The following HEATR5B variants were observed in gnomAD, a reference collection of about 807,000 sequenced individuals.
HEATR5B encodes the protein HEAT repeat containing 5B, also known as HEAT repeat-containing protein 5B.
A neutral mutation model predicts 224.1 loss-of-function variants in HEATR5B; 156 were observed. That is an observed-to-expected ratio of 0.70 (90% CI 0.61 to 0.80). The LOEUF is 0.80. Among genes scored for constraint, HEATR5B ranks in the 30% least tolerant of loss-of-function variants. The pLI, the probability that HEATR5B is intolerant of heterozygous loss-of-function variation, is 0.00. For missense variants in HEATR5B, 2,323 were observed against 2,535.5 expected, an observed-to-expected ratio of 0.92 and a Z score of 1.80; for synonymous variants, 1,027 against 893.0, an observed-to-expected ratio of 1.15 and a Z score of -2.68.
rs538593535 is a variant in HEATR5B at position 36,990,705 on chromosome 2, T to C, written c.5640A>G (p.Ser1880=). The part of the protein sequence containing the change: ...SASNEIIGVQ[S]LQNGCMNRFK... ...ATCTGTTCATGCAGCCATTCTGTAA[T>C]GACTGGACTCCTATTATTTCATTAC... Residue 1880 remains serine (S), a synonymous_variant, in exon 34 of 36, where the codon TCA becomes TCG. Coordinates refer to ENST00000233099, the MANE Select transcript of HEATR5B (RefSeq NM_019024.3). The C allele has an allele frequency of 6.2e-7, 1 of 1,611,842 alleles. No homozygotes were observed. The highest frequency in any genetic ancestry group is 1.1e-5 in the South Asian group (1 of 90,574).
chr2:36,989,955 G>A (rs1012640970), intron 34 of HEATR5B, among the ~76,000 whole-genome samples: 1 of 141,182 alleles, frequency 7.1e-6, no homozygotes, highest in African/African-American at 2.7e-5. Flanking sequence ...GCCCAGGCTG[G>A]AGTGGTGCAA....
chr2:36,986,347 T>C (rs1228794111), intron 35 of HEATR5B, among the ~76,000 whole-genome samples: 1 of 152,242 alleles, frequency 6.6e-6, no homozygotes, highest in African/African-American at 2.4e-5. Context: ...ATAGTAATAC[T>C]TGCTTCTTTT....
chr2:36,990,546 A>G, intron 34 of HEATR5B, 102 bp downstream of exon 34: 1 of 1,094,806 alleles, frequency 9.1e-7, no homozygotes, highest in Admixed American at 2.6e-5. Flanking sequence ...TAGTGCAAAT[A>G]CTTAGCTTTT....
chr2:36,984,237 T>TATATATATATATATAAAA (rs1217602304), intron 35 of HEATR5B, among the ~76,000 whole-genome samples: 2 of 112,044 alleles, frequency 1.8e-5, no homozygotes, highest in African/African-American at 6.5e-5. Flanking sequence ...TATATATATA[T>TATATATATATATATAAAA]AAAACTGGAA....
chr2:37,017,687 C>CAAAAAAAAAAAAAAAAAAA (rs1056240189), intron 26 of HEATR5B, among the ~76,000 whole-genome samples: 1 of 61,694 alleles, frequency 1.6e-5, no homozygotes, highest in Non-Finnish European at 2.9e-5. Context: ...AATTCCGTCT[C>CAAAAAAAAAAAAAAAAAAA]AAAAAAAAAA....
At chr2:36,993,787 G>A (rs1666501363) in intron 33 of HEATR5B, among the ~76,000 whole-genome samples, 1 of 151,754 alleles carries the variant, frequency 6.6e-6, no homozygotes, top group Non-Finnish European at 1.5e-5. Context: ...TACTTATGCA[G>A]TATTCCTGCC....
chr2:37,004,871 A>G (rs2247935), intron 30 of HEATR5B, among the ~76,000 whole-genome samples: 94,115 of 151,856 alleles, frequency 0.62, 30,127 homozygotes, highest in African/African-American at 0.78. Context: ...GGCTAGTGTT[A>G]TCATTTCTCT....
chr2:37,046,301 CTTAATAA>C (rs1174605610), intron 18 of HEATR5B, among the ~76,000 whole-genome samples: 9 of 152,238 alleles, frequency 5.9e-5, no homozygotes, highest in African/African-American at 2.2e-4. Flanking sequence ...TATTAAAACT[CTTAATAA>C]GCTATCCACA....
chr2:37,059,611 G>A (rs972750283), intron 12 of HEATR5B, among the ~76,000 whole-genome samples: 8 of 150,862 alleles, frequency 5.3e-5, no homozygotes, highest in Admixed American at 4.6e-4. Flanking sequence ...CTACAGGCAA[G>A]CACCAGCACG....
intron 33 of HEATR5B, among the ~76,000 whole-genome samples, chr2:37,000,007 G>T (rs1038789097): frequency 6.6e-6 from 1 of 151,446 alleles, no homozygotes; most frequent in Non-Finnish European, 1.5e-5. Context: ...GCGAGACTTT[G>T]TCTCAAAAAA....
chr2:37,053,189 TA>T (rs960872005), intron 17 of HEATR5B, among the ~76,000 whole-genome samples: 3 of 152,266 alleles, frequency 2.0e-5, no homozygotes, highest in Admixed American at 6.5e-5. Context: ...GCTTCAGCTC[TA>T]TTTAGTTAAC....
intron 2 of HEATR5B, among the ~76,000 whole-genome samples, chr2:37,081,997 C>T (rs1672600460): frequency 7.6e-6 from 1 of 131,736 alleles, no homozygotes; most frequent in Non-Finnish European, 1.6e-5. Context: ...TTACTACTCA[C>T]TTTTAAATTT....
chr2:37,012,779 C>CTCA (rs1667868107), intron 27 of HEATR5B, among the ~76,000 whole-genome samples: 1 of 152,166 alleles, frequency 6.6e-6, no homozygotes, highest in Admixed American at 6.5e-5. Flanking sequence ...CAGTCTCCTC[C>CTCA]TCACTCTCAT....
chr2:37,039,592 A>G (rs1453022225), intron 20 of HEATR5B, among the ~76,000 whole-genome samples: 1 of 152,264 alleles, frequency 6.6e-6, no homozygotes, highest in Non-Finnish European at 1.5e-5. Context: ...AATAGAGATA[A>G]TATCAGTCTC....
In HEATR5B at chr2:37,037,883, T is replaced by A; in HGVS notation, c.3188A>T (p.Asn1063Ile). Residue 1063 changes from asparagine to isoleucine, a missense_variant, in exon 21 of 36, where the codon AAT (asparagine) becomes ATT (isoleucine). Asn to Ile is a moderately radical substitution (Grantham distance 149). Transcript: ENST00000233099. ...QLHMFAPRHV[N>I]LSSLVPSLCV... Reference sequence around the variant, plus strand: ...AAGGCTAGGAACAAGGCTAGATAGATTGACATGTCGTGGTGCAAACATGTG... The same window carrying A: ...AAGGCTAGGAACAAGGCTAGATAGAATGACATGTCGTGGTGCAAACATGTG... 1.3e-6 allele frequency: 2 copies of A among 1,591,378 alleles called. No individual in the cohort carries two copies. Among genetic ancestry groups the A allele is most frequent in the Non-Finnish European group, 1.7e-6 (2 of 1,166,734 alleles).
chr2:37,047,433 A>C (rs924610896), intron 18 of HEATR5B, among the ~76,000 whole-genome samples: 2 of 152,256 alleles, frequency 1.3e-5, no homozygotes, highest in Non-Finnish European at 2.9e-5. Context: ...ATTTCTCAAA[A>C]AGTAACAGGT....
chr2:37,046,226 T>C (rs1670182936), intron 18 of HEATR5B, among the ~76,000 whole-genome samples: 2 of 152,206 alleles, frequency 1.3e-5, no homozygotes, highest in African/African-American at 4.8e-5. Context: ...AAAATACTAC[T>C]AGGAACAATG....
chr2:37,013,384 G>A (rs1022389954), intron 27 of HEATR5B, among the ~76,000 whole-genome samples: 1 of 152,178 alleles, frequency 6.6e-6, no homozygotes, highest in Non-Finnish European at 1.5e-5. Context: ...GGTAAAACTA[G>A]CTATTAAAAA....
intron 18 of HEATR5B, among the ~76,000 whole-genome samples, chr2:37,049,140 T>C (rs547787976): frequency 2.0e-5 from 3 of 152,352 alleles, no homozygotes; most frequent in African/African-American, 7.2e-5. Context: ...ATCTTAATGA[T>C]ACTTATTTGG....
Sources: allele counts gnomAD v4.1 joint callset (sites outside exome capture counted in the v4.1 genomes callset), GRCh38; gene constraint gnomAD v4.1.1; transcripts MANE v1.5; gene names NCBI Gene and HGNC (gene_info 2026-07-23, HGNC 2026-07-21).